Variants in SYNE2 observed in about 807,000 individuals in gnomAD.
The protein encoded by SYNE2 is spectrin repeat containing nuclear envelope protein 2.
A neutral mutation model predicts 856.3 loss-of-function variants in SYNE2; 431 were observed. That is an observed-to-expected ratio of 0.50 (90% CI 0.47 to 0.55). The LOEUF (loss-of-function observed/expected upper bound fraction) is 0.55, where lower values mean the gene tolerates loss of function less well. SYNE2 is among the 20% of genes least tolerant of loss of function. SYNE2 has a pLI of 0.00. For synonymous variants in SYNE2, 2,923 were observed against 2,872.3 expected, an observed-to-expected ratio of 1.02 and a Z score of -0.56; for missense variants, 8,129 against 8,023.2, an observed-to-expected ratio of 1.01 and a Z score of -0.50.
At chr14:64,156,199 T>G in intron 85 of SYNE2, among the ~76,000 whole-genome samples, 1 of 152,178 alleles carries the variant, frequency 6.6e-6, no homozygotes, top group East Asian at 1.9e-4. Context: ...GTCTTTTCCA[T>G]GAAGCTTTAT....
intron 1 of SYNE2, among the ~76,000 whole-genome samples, chr14:63,835,890 G>A (rs1889842363): frequency 2.0e-5 from 3 of 151,068 alleles, no homozygotes; most frequent in African/African-American, 7.3e-5. Flanking sequence ...GGCTGAGGCA[G>A]GAGAATCACT....
rs550184438 is a variant in SYNE2 at position 64,048,604 on chromosome 14, A to G, written c.7377+449A>G. 235 of 154,802 alleles carry G rather than the reference A, an allele frequency of 1.5e-3. 1 individual carries two copies. In the Middle Eastern group the frequency reaches 0.023, roughly 15 times the overall value. 9.6% of individuals were successfully genotyped at this position (154,802 alleles called of 1,614,324 possible). ...TAATCTAAAAATCCAATACATGGCC[A>G]TATTTTAAAAAGTGAAACAGCAGCC... On this transcript the variant is annotated intron_variant, in intron 46 of 115. Transcript: ENST00000555002.
intron 96 of SYNE2, among the ~76,000 whole-genome samples, chr14:64,185,210 C>T (rs1022629271): frequency 6.6e-6 from 1 of 152,130 alleles, no homozygotes; most frequent in Non-Finnish European, 1.5e-5. Flanking sequence ...TGCAGTAAGC[C>T]ATGATCATGC....
intron 1 of SYNE2, among the ~76,000 whole-genome samples, chr14:63,828,468 G>A (rs1053219922): frequency 6.6e-6 from 1 of 151,712 alleles, no homozygotes; most frequent in African/African-American, 2.4e-5. Flanking sequence ...GGTAAAACCT[G>A]TCTCTACTAA....
intron 1 of SYNE2, among the ~76,000 whole-genome samples, chr14:63,861,640 G>T (rs891502418): frequency 4.6e-5 from 7 of 151,024 alleles, no homozygotes; most frequent in African/African-American, 1.7e-4. Flanking sequence ...AAAAAAATTA[G>T]CTGGGCTATG....
chr14:64,136,241 G>C (rs912688314), intron 78 of SYNE2, among the ~76,000 whole-genome samples: 25 of 138,672 alleles, frequency 1.8e-4, no homozygotes, highest in Non-Finnish European at 2.4e-4. Flanking sequence ...AGTGAGCTGA[G>C]ATAGCGCCAC....
At chr14:63,909,437 C>G (rs1362158367) in intron 2 of SYNE2, among the ~76,000 whole-genome samples, 1 of 152,086 alleles carries the variant, frequency 6.6e-6, no homozygotes, top group African/African-American at 2.4e-5. Context: ...AATTTGCTAT[C>G]TCCAGTTTCT....
rs769251615 is a variant in SYNE2 at position 64,210,011 on chromosome 14, G to T, written c.18610G>T (p.Ala6204Ser). Residue 6204 changes from alanine to serine, a missense_variant, in exon 103 of 116, where the codon GCC (alanine) becomes TCC (serine). Physicochemically the swap from Ala to Ser is moderately conservative, Grantham distance 99 (BLOSUM62 1). Transcript: ENST00000555002. ...CATCAACAAGCAGTACCGGCGGCTG[G>T]CCCGGGAGAACCGCACAGACACGGC... is the stretch of plus-strand genomic sequence containing the variant. ...ELINKQYRRL[A>S]RENRTDTASR... 6.2e-7 allele frequency: 1 copy of T among 1,614,114 alleles called. No individual in the cohort carries two copies. Among genetic ancestry groups the T allele is most frequent in the Admixed American group, 1.7e-5 (1 of 60,032 alleles).
In SYNE2 at chr14:64,225,760, A is replaced by G; in HGVS notation, c.*234A>G. 1 of 603,586 alleles carries G rather than the reference A, an allele frequency of 1.7e-6. No homozygotes were observed. Among genetic ancestry groups the G allele is most frequent in the Non-Finnish European group, 3.0e-6 (1 of 337,584 alleles). 37.4% of individuals were successfully genotyped at this position (603,586 alleles called of 1,614,324 possible). ...GTGCCCCGGGTATTTTGGCAGAACT[A>G]GTTGATTAGTTTAGGGATCTCTGGA... is the stretch of plus-strand genomic sequence containing the variant. On this transcript the variant is annotated 3_prime_UTR_variant, in exon 116 of 116. Coordinates refer to ENST00000555002, the MANE Select transcript of SYNE2 (RefSeq NM_182914.3).
Position 63,983,898 on chromosome 14 carries a change from A to G in SYNE2, c.2151+12A>G. 1 of 1,455,622 alleles carries G rather than the reference A, an allele frequency of 6.9e-7. No homozygotes were observed. The highest frequency in any genetic ancestry group is 9.5e-7 in the Non-Finnish European group (1 of 1,050,114). 90.2% of individuals were successfully genotyped at this position (1,455,622 alleles called of 1,614,324 possible). ...ATCAAAATATAAAGGTAAAATAATCATACTTTGTATATTTCACTTGCAAAT... is the reference window on the plus strand; with the variant it reads ...ATCAAAATATAAAGGTAAAATAATCGTACTTTGTATATTTCACTTGCAAAT... On this transcript the variant is annotated intron_variant, in intron 18 of 115. Transcript: ENST00000555002.
In SYNE2 at chr14:64,219,496, C is replaced by G. The variant is rs961201720; in HGVS notation, c.19860+86C>G. 2.2e-5 allele frequency: 30 copies of G among 1,337,168 alleles called. No individual in the cohort carries two copies. In the South Asian group the frequency reaches 3.2e-4, roughly 14 times the overall value. 82.8% of individuals were successfully genotyped at this position (1,337,168 alleles called of 1,614,324 possible). On this transcript the variant is annotated intron_variant, in intron 110 of 115. Transcript: ENST00000555002. ...GCTGGACGAGCAGATCCCATGTATT[C>G]GTGGCATAGGCGCAGCTTGCAGATG...
Position 64,051,884 on chromosome 14 carries a change from A to G in SYNE2, c.7971A>G (p.Glu2657=). 6.2e-7 allele frequency: 1 copy of G among 1,613,996 alleles called. No homozygotes were observed. Among genetic ancestry groups the G allele is most frequent in the East Asian group, 2.2e-5 (1 of 44,886 alleles). ...QHLQLRLKSP[E]ERAGNQSMIA... ...TACAGTTAAGGCTGAAGTCTCCAGA[A>G]GAACGGGCAGGGAACCAAAGCATGA... is the stretch of plus-strand genomic sequence containing the variant. Residue 2657 remains glutamate (E), a synonymous_variant, in exon 48 of 116, where the codon GAA becomes GAG. Coordinates refer to ENST00000555002, the MANE Select transcript of SYNE2 (RefSeq NM_182914.3).
At chr14:63,893,969 G>A (rs1430508053) in intron 1 of SYNE2, among the ~76,000 whole-genome samples, 1 of 152,214 alleles carries the variant, frequency 6.6e-6, no homozygotes, top group Admixed American at 6.5e-5. Flanking sequence ...TATTCCTGGA[G>A]TAGGGAGCAG....
intron 96 of SYNE2, among the ~76,000 whole-genome samples, chr14:64,183,799 C>G (rs563535927): frequency 1.1e-4 from 17 of 152,144 alleles, no homozygotes; most frequent in Middle Eastern, 3.4e-3. Context: ...GCCTGCAATC[C>G]CAGGCACTCG....
chr14:64,080,599 A>G lies in SYNE2; in HGVS notation c.11307A>G (p.Val3769=), dbSNP rs1364898823. 1.2e-6 allele frequency: 2 copies of G among 1,614,242 alleles called. No individual in the cohort carries two copies. The highest frequency in any genetic ancestry group is 1.1e-5 in the South Asian group (1 of 91,086). Residue 3769 remains valine (V), a synonymous_variant, in exon 56 of 116, where the codon GTA becomes GTG. Transcript: ENST00000555002. ...LMIPFQQYQQ[V]SQRAECRTSQ... ...TTCCTTTCCAGCAGTATCAGCAAGT[A>G]TCACAGAGAGCAGAGTGTAGAACCT... is the stretch of plus-strand genomic sequence containing the variant.
intron 19 of SYNE2, among the ~76,000 whole-genome samples, chr14:63,989,153 T>C (rs943331418): frequency 8.5e-5 from 13 of 152,304 alleles, no homozygotes; most frequent in Middle Eastern, 6.8e-3. Context: ...ATTTTTAAAA[T>C]TGAATTATAC....
Position 64,056,284 on chromosome 14 carries a change from G to A in SYNE2, c.10067+18G>A. On this transcript the variant is annotated intron_variant, in intron 49 of 115. Coordinates refer to ENST00000555002, the MANE Select transcript of SYNE2 (RefSeq NM_182914.3). ...GCAGAAAGGTAGGTCCTCTTCCAAA[G>A]GTAATCTTTAAGAACATAAAATATT... The A allele has an allele frequency of 1.9e-6, 3 of 1,599,846 alleles. No homozygotes were observed. The highest frequency in any genetic ancestry group is 1.7e-6 in the Non-Finnish European group (2 of 1,168,616).
intron 85 of SYNE2, among the ~76,000 whole-genome samples, chr14:64,157,518 A>G (rs2098295585): frequency 6.6e-6 from 1 of 152,178 alleles, no homozygotes; most frequent in Admixed American, 6.5e-5. Flanking sequence ...TTCCATTTTT[A>G]GGCTCTCATG....
chr14:63,963,229 C>T (rs1255886), intron 9 of SYNE2, among the ~76,000 whole-genome samples: 78,734 of 151,954 alleles, frequency 0.52, 21,438 homozygotes, highest in African/African-American at 0.7. Flanking sequence ...TCTTTTCTAA[C>T]TAATTTTCAT....
Sources: gnomAD v4.1 joint callset for allele counts (sites outside exome capture counted in the v4.1 genomes callset) on GRCh38, gnomAD v4.1.1 for gene constraint, MANE v1.5 for transcripts, NCBI Gene and HGNC (gene_info 2026-07-23, HGNC 2026-07-21) for gene names.